The following CACNA1B variants were observed in gnomAD, a reference collection of about 807,000 sequenced individuals.
The protein encoded by CACNA1B is voltage-dependent N-type calcium channel subunit alpha-1B.
CACNA1B carries 70 observed loss-of-function variants against 247.2 expected under a neutral mutation model. That is an observed-to-expected ratio of 0.28 (90% confidence interval 0.23 to 0.35). The LOEUF (loss-of-function observed/expected upper bound fraction) is 0.35. Among genes scored for constraint, CACNA1B ranks in the 10% least tolerant of loss-of-function variants. The pLI, the probability that CACNA1B is intolerant of heterozygous loss-of-function variation, is 1.00. For synonymous variants in CACNA1B, 1,231 were observed against 1,294.4 expected, an observed-to-expected ratio of 0.95 and a Z score of 1.05; for missense variants, 2,367 against 3,197.4, an observed-to-expected ratio of 0.74 and a Z score of 6.26.
intron 26 of CACNA1B, among the ~76,000 whole-genome samples, chr9:138,055,831 C>G (rs928199694): frequency 6.6e-6 from 1 of 152,058 alleles, no homozygotes; most frequent in Non-Finnish European, 1.5e-5. Flanking sequence ...TGGAGACCAG[C>G]CTGGTCAAAA....
chr9:137,920,585 T>G lies in CACNA1B; in HGVS notation c.966+3154T>G, dbSNP rs558117728. Among the ~76,000 whole-genome samples, 266 of 152,338 alleles carry G rather than the reference T, an allele frequency of 1.7e-3. 2 individuals are homozygous for G. The highest frequency in any genetic ancestry group is 1.2e-3 in the Non-Finnish European group (81 of 68,040). The stretch of plus-strand genomic sequence containing the variant: ...CCTTACCCAGGAGCTGTCAGAATGG[T>G]CATGGGCTTGTCCAAATTATCATCT... On this transcript the variant is annotated intron_variant, in intron 6 of 46. Coordinates refer to ENST00000371372, the MANE Select transcript of CACNA1B (RefSeq NM_000718.4).
intron 31 of CACNA1B, among the ~76,000 whole-genome samples, chr9:138,063,582 A>C (rs571138937): frequency 2.8e-4 from 43 of 152,350 alleles, no homozygotes; most frequent in Non-Finnish European, 5.9e-4. Context: ...TCTGCTGTGG[A>C]TACAAACTGC....
At chr9:138,109,203 G>T (rs907027108) in intron 39 of CACNA1B, among the ~76,000 whole-genome samples, 3 of 152,146 alleles carry the variant, frequency 2.0e-5, no homozygotes, top group Non-Finnish European at 4.4e-5. Context: ...ACGGTCAATT[G>T]ATTTTTAACA....
intron 3 of CACNA1B, among the ~76,000 whole-genome samples, chr9:137,902,544 A>G (rs747378888): frequency 1.3e-5 from 2 of 152,072 alleles, no homozygotes; most frequent in African/African-American, 2.4e-5. Context: ...AAATACCTCA[A>G]AGTTGTTTTA....
intron 31 of CACNA1B, among the ~76,000 whole-genome samples, chr9:138,066,886 TAGAAATTA>T (rs1434662875): frequency 1.3e-5 from 2 of 151,864 alleles, no homozygotes; most frequent in Non-Finnish European, 2.9e-5. Context: ...AGTATAAGAA[TAGAAATTA>T]AGAAAGTGGA....
intron 15 of CACNA1B, among the ~76,000 whole-genome samples, chr9:137,994,310 C>A (rs1958470731): frequency 6.6e-6 from 1 of 152,206 alleles, no homozygotes; most frequent in Non-Finnish European, 1.5e-5. Context: ...CCCACTGTCA[C>A]CACTCTCTTC....
In CACNA1B at chr9:137,878,173, G is replaced by A. The variant is rs1956861612; in HGVS notation, c.240G>A (p.Glu80=). The A allele has an allele frequency of 7.6e-7, 1 of 1,313,302 alleles. No individual in the cohort carries two copies. Among genetic ancestry groups the A allele is most frequent in the Non-Finnish European group, 9.8e-7 (1 of 1,024,662 alleles). The allele number at this position is 1,313,302 out of a possible 1,614,324, so 81.4% of individuals were successfully genotyped here. The change falls in exon 1 of 47, where the codon GAG becomes GAA. Residue 80 remains glutamate (E), a synonymous_variant. Transcript: ENST00000371372. The part of the protein sequence containing the change: ...TVNRSLFVFS[E]DNVVRKYAKR... The stretch of plus-strand genomic sequence containing the variant: ...ACCGCTCGCTCTTCGTCTTCAGCGA[G>A]GACAACGTCGTCCGCAAATACGCGA...
At position 138,121,499 on chromosome 9, in the gene CACNA1B, C is replaced by T. The variant is rs1962098044; in HGVS notation, c.6520C>T (p.Leu2174=). The change falls in exon 47 of 47, where the codon CTG becomes TTG. Residue 2174 remains leucine (L), a synonymous_variant. Transcript: ENST00000371372. This position sits in a 1 kb window ranked among gnomAD's most constrained non-coding sequence, Gnocchi z 6.8. ...GSGSVNGSPL[L]STSGASTPGR... ...TGGTTCCGTGAATGGGAGCCCCTTG[C>T]TGTCAACATCTGGTGCTAGCACCCC... 6.5e-7 allele frequency: 1 copy of T among 1,540,608 alleles called. No individual in the cohort carries two copies. The highest frequency in any genetic ancestry group is 8.8e-7 in the Non-Finnish European group (1 of 1,142,352).
Position 137,915,873 on chromosome 9 carries a change from A to G in CACNA1B, c.775+1067A>G, listed in dbSNP as rs977764406. ...GGAGGAGATGAAACTCATTATTCTT[A>G]GTCTTCTTTACCAGCATTTATCAAG... On this transcript the variant is annotated intron_variant, in intron 5 of 46. Transcript: ENST00000371372. Among the ~76,000 whole-genome samples, 3 of 151,940 alleles carry G rather than the reference A, an allele frequency of 2.0e-5. No individual in the cohort carries two copies. In the East Asian group the frequency reaches 5.8e-4, roughly 29 times the overall value.
intron 15 of CACNA1B, among the ~76,000 whole-genome samples, chr9:138,002,839 T>C (rs1218048675): frequency 6.6e-6 from 1 of 151,974 alleles, no homozygotes; most frequent in Non-Finnish European, 1.5e-5. Context: ...CTAGCTCTGT[T>C]GCCCAGGCTG....
chr9:138,062,394 C>T (rs780015459), intron 31 of CACNA1B, among the ~76,000 whole-genome samples: 8 of 152,138 alleles, frequency 5.3e-5, no homozygotes, highest in African/African-American at 7.2e-5. Context: ...GAGGTGAGGA[C>T]GTCATTGGTC....
intron 5 of CACNA1B, among the ~76,000 whole-genome samples, chr9:137,916,504 G>C (rs527707503): frequency 6.6e-6 from 1 of 152,306 alleles, no homozygotes; most frequent in South Asian, 2.1e-4. Flanking sequence ...CACAGTAGAA[G>C]GATGTCCGCC....
At chr9:137,927,627 C>T (rs1957566731) in intron 6 of CACNA1B, among the ~76,000 whole-genome samples, 1 of 152,210 alleles carries the variant, frequency 6.6e-6, no homozygotes, top group Non-Finnish European at 1.5e-5. Flanking sequence ...CCTTATGGCA[C>T]TGGCTAGAAA....
At chr9:138,016,767 G>A (rs1353169054) in intron 18 of CACNA1B, among the ~76,000 whole-genome samples, 1 of 152,208 alleles carries the variant, frequency 6.6e-6, no homozygotes, top group African/African-American at 2.4e-5. Context: ...GCCTCCCGCC[G>A]CAGGGTGCAG....
At chr9:138,095,425 C>T (rs919925371) in intron 36 of CACNA1B, among the ~76,000 whole-genome samples, 1 of 152,160 alleles carries the variant, frequency 6.6e-6, no homozygotes, top group Non-Finnish European at 1.5e-5. Flanking sequence ...TTACATCCAC[C>T]ATGACAGCTA....
intron 41 of CACNA1B, among the ~76,000 whole-genome samples, chr9:138,114,855 CAGAG>C (rs1197325318): frequency 1.3e-5 from 2 of 152,110 alleles, no homozygotes; most frequent in African/African-American, 2.4e-5. Context: ...TCCCTTCACA[CAGAG>C]AGCAAAGAAA....
chr9:137,914,547 C>A lies in CACNA1B; in HGVS notation c.623-107C>A. The A allele has an allele frequency of 1.1e-6, 1 of 896,524 alleles. No homozygotes were observed. 55.5% of individuals were successfully genotyped at this position (896,524 alleles called of 1,614,324 possible). A position where few individuals can be genotyped will look rare whatever the true frequency, so the allele number is the denominator to read the frequency against. ...GCCCTTGCAAGCACTCACTGCTTAG[C>A]ACCTTGCTGTCCCTGCTAGGTTCCT... is the stretch of plus-strand genomic sequence containing the variant. On this transcript the variant is annotated intron_variant, in intron 4 of 46. Coordinates refer to ENST00000371372, the MANE Select transcript of CACNA1B (RefSeq NM_000718.4). This position sits in a 1 kb window ranked among gnomAD's most constrained non-coding sequence, Gnocchi z 4.3.
At chr9:138,037,469 G>A (rs770066839) in intron 20 of CACNA1B, among the ~76,000 whole-genome samples, 4 of 152,156 alleles carry the variant, frequency 2.6e-5, no homozygotes, top group Non-Finnish European at 5.9e-5. Context: ...GACCAACCTG[G>A]CAAACATGGT....
At chr9:137,907,873 T>C (rs1347149302) in intron 3 of CACNA1B, among the ~76,000 whole-genome samples, 1 of 152,188 alleles carries the variant, frequency 6.6e-6, no homozygotes, top group Non-Finnish European at 1.5e-5. Context: ...TATGTGTGAG[T>C]GATGCTTCCT....
Sources: gnomAD v4.1 joint callset for allele counts (sites outside exome capture counted in the v4.1 genomes callset) on GRCh38, gnomAD v4.1.1 for gene constraint, Gnocchi (gnomAD v3.1) non-coding constraint, MANE v1.5 for transcripts, NCBI Gene and HGNC (gene_info 2026-07-23, HGNC 2026-07-21) for gene names.